Variants in TENM2 observed in about 807,000 individuals in gnomAD.
TENM2 encodes teneurin transmembrane protein 2, also known as teneurin-2.
A neutral mutation model predicts 245.2 loss-of-function variants in TENM2; 52 were observed. The ratio of observed to expected loss-of-function variants is 0.21; its 90% CI spans 0.17 to 0.27. The LOEUF (loss-of-function observed/expected upper bound fraction) is 0.27. TENM2 is among the 10% of genes least tolerant of loss of function. The pLI is 1.00. For missense variants in TENM2, 3,046 were observed against 3,666.8 expected, an observed-to-expected ratio of 0.83 and a Z score of 4.37; for synonymous variants, 1,363 against 1,438.9, an observed-to-expected ratio of 0.95 and a Z score of 1.19.
At chr5:168,143,177 C>T (rs1017016668) in intron 12 of TENM2, among the ~76,000 whole-genome samples, 1 of 150,736 alleles carries the variant, frequency 6.6e-6, no homozygotes, top group Non-Finnish European at 1.5e-5. Context: ...ATTTTTTGGC[C>T]TGTGACCTAG....
intron 2 of TENM2, among the ~76,000 whole-genome samples, chr5:167,770,251 G>A (rs1455758554): frequency 1.3e-5 from 2 of 152,166 alleles, no homozygotes; most frequent in South Asian, 4.1e-4. Context: ...GGGCAGAACA[G>A]CAAAGGCTTA....
intron 2 of TENM2, among the ~76,000 whole-genome samples, chr5:167,542,492 A>G (rs1772279966): frequency 2.7e-5 from 1 of 36,988 alleles, no homozygotes; most frequent in South Asian, 1.5e-3. Flanking sequence ...CTCCTTCTGA[A>G]TCCATGAAGG....
At chr5:167,353,539 G>C (rs574743961) in intron 1 of TENM2, among the ~76,000 whole-genome samples, 3 of 106,252 alleles carry the variant, frequency 2.8e-5, no homozygotes, top group South Asian at 7.0e-4. Flanking sequence ...ACGGAGTCTC[G>C]CTCTGTCGCC....
intron 25 of TENM2, chr5:168,232,484 G>A (rs929658954): frequency 1.3e-5 from 2 of 152,266 alleles, no homozygotes; most frequent in Non-Finnish European, 2.9e-5. Context: ...TTGAAATGCA[G>A]CCACTTAACC....
At chr5:167,002,950 T>C in the TENM2 span, among the ~76,000 whole-genome samples, 5 of 152,220 alleles carry the variant, frequency 3.3e-5, no homozygotes, top group Non-Finnish European at 7.4e-5. Flanking sequence ...ACAATTAATA[T>C]ATTTAAAATT....
the TENM2 span, among the ~76,000 whole-genome samples, chr5:167,122,025 T>C: frequency 6.6e-6 from 1 of 152,334 alleles, no homozygotes; most frequent in African/African-American, 2.4e-5. Flanking sequence ...TATAGCTATT[T>C]TTTTTCCAGA....
At chr5:167,871,935 G>A (rs535978092) in intron 2 of TENM2, among the ~76,000 whole-genome samples, 38 of 152,160 alleles carry the variant, frequency 2.5e-4, no homozygotes, top group Middle Eastern at 3.4e-3. Context: ...TCTGTCAGTT[G>A]GAATAGTCAG....
the TENM2 span, among the ~76,000 whole-genome samples, chr5:167,101,149 A>C: frequency 6.6e-6 from 1 of 152,220 alleles, no homozygotes; most frequent in African/African-American, 2.4e-5. Flanking sequence ...AATTTGATTT[A>C]TTTTGTGCTC....
At chr5:167,176,131 T>C in the TENM2 span, among the ~76,000 whole-genome samples, 1 of 152,228 alleles carries the variant, frequency 6.6e-6, no homozygotes, top group Non-Finnish European at 1.5e-5. Flanking sequence ...AGCAACTCCC[T>C]GATGATATTC....
upstream of TENM2, among the ~76,000 whole-genome samples, chr5:167,280,162 A>T (rs933188335): frequency 5.3e-5 from 8 of 152,152 alleles, no homozygotes; most frequent in African/African-American, 1.9e-4. Context: ...GGGGAAGCCA[A>T]CCCAGGGATA....
chr5:168,040,612 C>G lies in TENM2; in HGVS notation c.1187-6815C>G, dbSNP rs184806052. On this transcript the variant is annotated intron_variant, in intron 5 of 28. Coordinates refer to ENST00000518659, the Ensembl canonical transcript of TENM2. Reference sequence around the variant, plus strand: ...TGGTTAGAAAAGGATTTTTGGTAACCCTTTAAGATTTAAATTTTTAAACTC... The same window carrying G: ...TGGTTAGAAAAGGATTTTTGGTAACGCTTTAAGATTTAAATTTTTAAACTC... Among the ~76,000 whole-genome samples, 12 of 152,240 alleles carry G rather than the reference C, an allele frequency of 7.9e-5. No individual in the cohort carries two copies. The East Asian group carries it at 2.3e-3, about 29-fold the overall frequency.
intron 2 of TENM2, among the ~76,000 whole-genome samples, chr5:167,475,715 T>C (rs988745169): frequency 6.6e-6 from 1 of 152,160 alleles, no homozygotes; most frequent in African/African-American, 2.4e-5. Flanking sequence ...GTTCTCATTG[T>C]TCAGCTCCCA....
intron 5 of TENM2, among the ~76,000 whole-genome samples, chr5:168,031,040 C>T (rs1431782831): frequency 6.6e-6 from 1 of 152,168 alleles, no homozygotes; most frequent in South Asian, 2.1e-4. Context: ...CCAACTGCAC[C>T]CCCCGACCAC....
intron 13 of TENM2, among the ~76,000 whole-genome samples, chr5:168,184,269 T>C (rs538297265): frequency 6.6e-6 from 1 of 152,328 alleles, no homozygotes; most frequent in South Asian, 2.1e-4. Context: ...TGTGAAACCA[T>C]GACTGCAAAG....
intron 2 of TENM2, among the ~76,000 whole-genome samples, chr5:167,398,630 G>C (rs1392541151): frequency 6.6e-6 from 1 of 151,928 alleles, no homozygotes; most frequent in Non-Finnish European, 1.5e-5. Context: ...AGTAGAGATA[G>C]GGTTTCACCC....
At chr5:167,039,313 G>C in the TENM2 span, among the ~76,000 whole-genome samples, 1 of 152,082 alleles carries the variant, frequency 6.6e-6, no homozygotes, top group Non-Finnish European at 1.5e-5. Flanking sequence ...GAGATTCTTG[G>C]ATTTCATAAC....
intron 2 of TENM2, among the ~76,000 whole-genome samples, chr5:167,659,664 T>C (rs972972275): frequency 6.6e-6 from 1 of 152,220 alleles, no homozygotes; most frequent in African/African-American, 2.4e-5. Flanking sequence ...GATGAATTTA[T>C]GCAGATCAGT....
chr5:167,370,161 T>C (rs908239488), intron 1 of TENM2, among the ~76,000 whole-genome samples: 1 of 151,744 alleles, frequency 6.6e-6, no homozygotes, highest in Non-Finnish European at 1.5e-5. Context: ...GCTAACACGG[T>C]GAAACCCCGT....
At chr5:167,772,667 T>G (rs2150775089) in intron 2 of TENM2, among the ~76,000 whole-genome samples, 1 of 152,238 alleles carries the variant, frequency 6.6e-6, no homozygotes, top group East Asian at 1.9e-4. Context: ...AGCACCCTAT[T>G]AATAGTTTGC....
Sources: allele counts gnomAD v4.1 joint callset (sites outside exome capture counted in the v4.1 genomes callset), GRCh38; gene constraint gnomAD v4.1.1; transcripts MANE v1.5; gene names NCBI Gene and HGNC (gene_info 2026-07-23, HGNC 2026-07-21).